BAG2: variants seen among roughly 807,000 people sequenced by gnomAD.
BAG2 encodes BAG family molecular chaperone regulator 2.
BAG2 carries 8 observed loss-of-function variants against 16.4 expected under a neutral mutation model. That is an observed-to-expected ratio of 0.49 (90% CI 0.29 to 0.88). The LOEUF (loss-of-function observed/expected upper bound fraction) is 0.88. Ranked by LOEUF, BAG2 falls within the 40% of genes least tolerant of loss-of-function variation. The probability of loss-of-function intolerance (pLI) is 0.09; values close to 1 mark genes in which losing one functional copy is unlikely to be tolerated. For synonymous variants in BAG2, 82 were observed against 89.2 expected (o/e 0.92, Z 0.46); for missense variants, 218 against 248.9 (o/e 0.88, Z 0.84).
chr6:57,184,271 G>A lies in BAG2; in HGVS notation c.*81G>A. The A allele has an allele frequency of 7.7e-7, 1 of 1,297,778 alleles. No individual in the cohort carries two copies. Among genetic ancestry groups the A allele is most frequent in the Non-Finnish European group, 1.0e-6 (1 of 1,002,032 alleles). The allele number at this position is 1,297,778 out of a possible 1,614,324, so 80.4% of individuals were successfully genotyped here. On this transcript the variant is annotated 3_prime_UTR_variant, in exon 3 of 3. Coordinates refer to ENST00000370693, the MANE Select transcript of BAG2 (RefSeq NM_004282.4). ...TATTTTAATTGATAACTAGTTCTTTGTTAGGTATAACCACTTAGTTGACAC... is the reference window on the plus strand; with the variant it reads ...TATTTTAATTGATAACTAGTTCTTTATTAGGTATAACCACTTAGTTGACAC...
At position 57,187,205 on chromosome 6, in the gene BAG2, T is replaced by G. The variant is rs2127994435; in HGVS notation, c.*3015T>G. The G allele has an allele frequency of 6.6e-6, 1 of 152,300 alleles. No individual in the cohort carries two copies. Among genetic ancestry groups the G allele is most frequent in the South Asian group, 2.1e-4 (1 of 4,826 alleles). 9.4% of individuals were successfully genotyped at this position (152,300 alleles called of 1,614,324 possible). ...TCCTTTTATCCCCAATTTTTTGCTTTTAAAAGACCATTTACTAACATCCTA... is the reference window on the plus strand; with the variant it reads ...TCCTTTTATCCCCAATTTTTTGCTTGTAAAAGACCATTTACTAACATCCTA... On this transcript the variant is annotated 3_prime_UTR_variant, in exon 3 of 3. Coordinates refer to ENST00000370693, the MANE Select transcript of BAG2 (RefSeq NM_004282.4).
At chr6:57,183,021 GACTTCCT>G (rs912733622) in intron 2 of BAG2, among the ~76,000 whole-genome samples, 7 of 152,152 alleles carry the variant, frequency 4.6e-5, no homozygotes, top group Admixed American at 2.0e-4. Flanking sequence ...ATTGGCACTG[GACTTCCT>G]ACTTGGGCTC....
At chr6:57,183,121 T>TA (rs1200851402) in intron 2 of BAG2, among the ~76,000 whole-genome samples, 1 of 152,198 alleles carries the variant, frequency 6.6e-6, no homozygotes, top group African/African-American at 2.4e-5. Flanking sequence ...TCAAAACTGT[T>TA]ACACATCTAT....
At chr6:57,179,520 A>C (rs1465313745) in intron 1 of BAG2, among the ~76,000 whole-genome samples, 1 of 152,118 alleles carries the variant, frequency 6.6e-6, no homozygotes, top group African/African-American at 2.4e-5. Flanking sequence ...GAACGTGCTA[A>C]AACATTGGTG....
At chr6:57,172,859 G>A (rs1035184996) in intron 1 of BAG2, 49 bp downstream of exon 1, 2 of 1,388,616 alleles carry the variant, frequency 1.4e-6, no homozygotes, top group Non-Finnish European at 1.9e-6. Context: ...CGCGCGGGCG[G>A]TTCGCGGGCG....
At position 57,173,385 on chromosome 6, in the gene BAG2, C is replaced by G. The variant is rs1012841308; in HGVS notation, c.113+575C>G. The G allele has an allele frequency of 4.1e-6, 4 of 985,194 alleles. No individual in the cohort carries two copies. In the African/African-American group the frequency reaches 7.0e-5, roughly 17 times the overall value. The allele number at this position is 985,194 out of a possible 1,614,324, so 61.0% of individuals were successfully genotyped here. On this transcript the variant is annotated intron_variant, in intron 1 of 2. Coordinates refer to ENST00000370693, the MANE Select transcript of BAG2 (RefSeq NM_004282.4). ...GTAGGCAGTAAGTTACCGGGTGCTT[C>G]GTGCAGCAGAGACGTTGCCGCTTCT... is the stretch of plus-strand genomic sequence containing the variant.
Position 57,182,221 on chromosome 6 carries a change from T to C in BAG2, c.223+80T>C, listed in dbSNP as rs576878604. 3.0e-6 allele frequency: 4 copies of C among 1,327,700 alleles called. No homozygotes were observed. In the South Asian group the frequency reaches 5.1e-5, roughly 17 times the overall value. The allele number at this position is 1,327,700 out of a possible 1,614,324, so 82.2% of individuals were successfully genotyped here. On this transcript the variant is annotated intron_variant, in intron 2 of 2. Transcript: ENST00000370693. ...ATGATAAGTGTGGGTCAATTTTTGCTTGACTTTTGGTATGCGTACACCAGG... is the reference window on the plus strand; with the variant it reads ...ATGATAAGTGTGGGTCAATTTTTGCCTGACTTTTGGTATGCGTACACCAGG...
At chr6:57,182,990 G>A (rs373104739) in intron 2 of BAG2, among the ~76,000 whole-genome samples, 2 of 152,306 alleles carry the variant, frequency 1.3e-5, no homozygotes, top group East Asian at 3.9e-4. Flanking sequence ...AATAGGAATA[G>A]GTCACTTCTG....
chr6:57,187,075 CCA>C lies in BAG2; in HGVS notation c.*2886_*2887del, dbSNP rs1259104463. ...TTAGAGTAGTGTTTTAAATTAAGCT[CCA>C]GAGTGTAACTGCAACCAAATAGCAA... On this transcript the variant is annotated 3_prime_UTR_variant, in exon 3 of 3. Transcript: ENST00000370693. 6.6e-6 allele frequency: 1 copy of C among 152,064 alleles called. No individual in the cohort carries two copies. The highest frequency in any genetic ancestry group is 1.5e-5 in the Non-Finnish European group (1 of 68,000). The allele number at this position is 152,064 out of a possible 1,614,324, so 9.4% of individuals were successfully genotyped here. A position where few individuals can be genotyped will look rare whatever the true frequency, so the allele number is the denominator to read the frequency against.
chr6:57,182,551 G>GATGA (rs913919142), intron 2 of BAG2, among the ~76,000 whole-genome samples: 25 of 140,752 alleles, frequency 1.8e-4, no homozygotes, highest in Admixed American at 1.5e-3. Context: ...AAAAAAAAAA[G>GATGA]ATGAATTGAG....
At chr6:57,181,997 A>G in intron 1 of BAG2, 35 bp from the exon 2 acceptor site, 1 of 1,572,266 alleles carries the variant, frequency 6.4e-7, no homozygotes, top group African/African-American at 1.4e-5. Flanking sequence ...AACATCCTGC[A>G]TACAATAACC....
chr6:57,182,504 G>GA (rs1027515511), intron 2 of BAG2, among the ~76,000 whole-genome samples: 6 of 137,692 alleles, frequency 4.4e-5, no homozygotes, highest in Admixed American at 3.1e-4. Flanking sequence ...AAGAGGGTGA[G>GA]AGAGTGGAAG....
chr6:57,173,067 T>G, intron 1 of BAG2: 5 of 897,518 alleles, frequency 5.6e-6, no homozygotes, highest in Non-Finnish European at 7.1e-6. Flanking sequence ...TGGCCACACT[T>G]TGATTAATTT....
chr6:57,184,292 G>C lies in BAG2; in HGVS notation c.*102G>C. 9.1e-7 allele frequency: 1 copy of C among 1,100,596 alleles called. No homozygotes were observed. Among genetic ancestry groups the C allele is most frequent in the African/African-American group, 1.6e-5 (1 of 61,904 alleles). 68.2% of individuals were successfully genotyped at this position (1,100,596 alleles called of 1,614,324 possible). ...CTTTGTTAGGTATAACCACTTAGTTGACACTGATAGTTGTTTCAGATGAGG... is the reference window on the plus strand; with the variant it reads ...CTTTGTTAGGTATAACCACTTAGTTCACACTGATAGTTGTTTCAGATGAGG... On this transcript the variant is annotated 3_prime_UTR_variant, in exon 3 of 3. Coordinates refer to ENST00000370693, the MANE Select transcript of BAG2 (RefSeq NM_004282.4).
Position 57,187,457 on chromosome 6 carries a change from CTGAG to C in BAG2, c.*3269_*3272del, listed in dbSNP as rs1330137935. 6.6e-6 allele frequency: 1 copy of C among 152,130 alleles called. No homozygotes were observed. Among genetic ancestry groups the C allele is most frequent in the Non-Finnish European group, 1.5e-5 (1 of 68,008 alleles). The allele number at this position is 152,130 out of a possible 1,614,324, so 9.4% of individuals were successfully genotyped here. ...ATGTGACATTCTTAACAGTTAAAAA[CTGAG>C]TAAGTCCTGTTCATTAGGTAGGTGC... is the stretch of plus-strand genomic sequence containing the variant. On this transcript the variant is annotated 3_prime_UTR_variant, in exon 3 of 3. Transcript: ENST00000370693.
At chr6:57,178,759 A>G (rs1764356960) in intron 1 of BAG2, among the ~76,000 whole-genome samples, 1 of 148,022 alleles carries the variant, frequency 6.8e-6, no homozygotes, top group African/African-American at 2.5e-5. Context: ...AATTTCTATT[A>G]TGTATTAAAA....
chr6:57,181,938 T>C (rs1173045767), intron 1 of BAG2, 94 bp from the exon 2 acceptor site: 1 of 1,108,532 alleles, frequency 9.0e-7, no homozygotes, highest in Non-Finnish European at 1.3e-6. Context: ...TTTGGTGATC[T>C]TTAAACTTGA....
chr6:57,175,954 G>C (rs1021263909), intron 1 of BAG2, among the ~76,000 whole-genome samples: 1 of 152,184 alleles, frequency 6.6e-6, no homozygotes, highest in Non-Finnish European at 1.5e-5. Context: ...CAACGGTGGA[G>C]GGTGGGGTCT....
At chr6:57,173,137 T>C (rs1323517880) in intron 1 of BAG2, 2 of 1,026,034 alleles carry the variant, frequency 1.9e-6, no homozygotes, top group Non-Finnish European at 2.3e-6. Flanking sequence ...TGAGATTCCA[T>C]GCGATTAAGG....
Sources: gnomAD v4.1 joint callset for allele counts (sites outside exome capture counted in the v4.1 genomes callset) on GRCh38, gnomAD v4.1.1 for gene constraint, MANE v1.5 for transcripts, NCBI Gene and HGNC (gene_info 2026-07-23, HGNC 2026-07-21) for gene names.